DACH1: variants seen among roughly 807,000 people sequenced by gnomAD.
The protein encoded by DACH1 is dachshund family transcription factor 1, also known as dachshund homolog 1.
In DACH1, 12 loss-of-function variants were observed where a neutral mutation model predicts 54.2. That is an observed-to-expected ratio of 0.22 (90% CI 0.14 to 0.36). DACH1 has a LOEUF of 0.36. Ranked by LOEUF, DACH1 falls within the 10% of genes least tolerant of loss-of-function variation. DACH1 has a pLI of 1.00. For missense variants in DACH1, 805 were observed against 929.8 expected, an observed-to-expected ratio of 0.87 and a Z score of 1.75; for synonymous variants, 386 against 366.2, an observed-to-expected ratio of 1.05 and a Z score of -0.62.
intron 1 of DACH1, among the ~76,000 whole-genome samples, chr13:71,800,167 T>C (rs1250462151): frequency 6.6e-6 from 1 of 152,074 alleles, no homozygotes; most frequent in African/African-American, 2.4e-5. Context: ...CAAGACTATC[T>C]CTAAGGTTCC....
At chr13:71,839,424 G>A (rs966153522) in intron 1 of DACH1, among the ~76,000 whole-genome samples, 19 of 152,036 alleles carry the variant, frequency 1.2e-4, no homozygotes, top group Admixed American at 1.2e-3. Context: ...TGGCTAATAC[G>A]GTGAAACCCC....
intron 3 of DACH1, among the ~76,000 whole-genome samples, chr13:71,593,142 G>A (rs1472148803): frequency 6.6e-6 from 1 of 152,098 alleles, no homozygotes; most frequent in Non-Finnish European, 1.5e-5. Context: ...AAAAGGCACT[G>A]GGGATTTATT....
At chr13:71,795,876 C>T (rs1330926490) in intron 1 of DACH1, among the ~76,000 whole-genome samples, 1 of 152,036 alleles carries the variant, frequency 6.6e-6, no homozygotes, top group African/African-American at 2.4e-5. Context: ...AAGTGGTATG[C>T]AGTAGGTGCT....
At chr13:71,563,341 A>G (rs1253451859) in intron 4 of DACH1, among the ~76,000 whole-genome samples, 1 of 152,004 alleles carries the variant, frequency 6.6e-6, no homozygotes, top group Non-Finnish European at 1.5e-5. Context: ...CAGTCTCTCT[A>G]AAATGATTTT....
chr13:71,846,423 T>A (rs112795004), intron 1 of DACH1: 1 of 153,108 alleles, frequency 6.5e-6, no homozygotes, highest in Admixed American at 6.5e-5. Context: ...GGTGGATCAC[T>A]TGAGGTTGGG....
chr13:71,684,457 G>T (rs895670066), intron 1 of DACH1, among the ~76,000 whole-genome samples: 1 of 151,978 alleles, frequency 6.6e-6, no homozygotes, highest in African/African-American at 2.4e-5. Flanking sequence ...TTCCTGAGTG[G>T]CTCTGGTCTC....
At chr13:71,477,063 T>C (rs1877586142) in intron 8 of DACH1, among the ~76,000 whole-genome samples, 1 of 138,214 alleles carries the variant, frequency 7.2e-6, no homozygotes, top group Admixed American at 7.3e-5. Flanking sequence ...AATTTCCACA[T>C]AATCCTGTTT....
At chr13:71,592,284 G>A (rs1290316828) in intron 3 of DACH1, among the ~76,000 whole-genome samples, 2 of 151,864 alleles carry the variant, frequency 1.3e-5, no homozygotes, top group African/African-American at 4.8e-5. Context: ...GGCCAAGGTG[G>A]GAGAATCACC....
intron 6 of DACH1, among the ~76,000 whole-genome samples, chr13:71,540,937 A>G (rs1220023905): frequency 1.3e-5 from 2 of 151,938 alleles, no homozygotes; most frequent in Non-Finnish European, 2.9e-5. Flanking sequence ...TCCTTAACAC[A>G]TATACTTGTC....
chr13:71,489,186 G>A (rs560883442), intron 6 of DACH1, 38 bp from the exon 7 acceptor site: 16 of 1,590,914 alleles, frequency 1.0e-5, no homozygotes, highest in South Asian at 4.6e-5. Context: ...AACAAGTTAC[G>A]CTTGTCTGTT....
chr13:71,722,562 T>C (rs538449554), intron 1 of DACH1, among the ~76,000 whole-genome samples: 50 of 152,156 alleles, frequency 3.3e-4, no homozygotes, highest in Non-Finnish European at 6.3e-4. Context: ...TTGGCTTATA[T>C]CAATGTAAAA....
At chr13:71,475,112 T>C (rs960755493) in intron 10 of DACH1, 29 bp downstream of exon 10, 2 of 1,604,854 alleles carry the variant, frequency 1.2e-6, no homozygotes, top group Non-Finnish European at 1.7e-6. Flanking sequence ...TAGCAAGATC[T>C]AGATTTATAG....
intron 1 of DACH1, among the ~76,000 whole-genome samples, chr13:71,822,108 T>A (rs1284385099): frequency 1.3e-5 from 2 of 152,046 alleles, no homozygotes; most frequent in East Asian, 3.9e-4. Context: ...AAATTATATA[T>A]AAATACATCC....
intron 6 of DACH1, among the ~76,000 whole-genome samples, chr13:71,553,473 G>A (rs1700903599): frequency 7.3e-6 from 1 of 137,626 alleles, no homozygotes; most frequent in African/African-American, 2.7e-5. Flanking sequence ...TACATATATG[G>A]GATATATATA....
intron 6 of DACH1, among the ~76,000 whole-genome samples, chr13:71,549,125 A>C (rs1274774291): frequency 6.6e-6 from 1 of 152,026 alleles, no homozygotes; most frequent in Admixed American, 6.6e-5. Context: ...ACTAGAGATA[A>C]CCAATTCATT....
intron 6 of DACH1, among the ~76,000 whole-genome samples, chr13:71,525,023 A>G (rs1881858818): frequency 6.6e-6 from 1 of 152,180 alleles, no homozygotes. Context: ...GTAGGATATC[A>G]TTAAATTTCA....
chr13:71,790,784 A>C (rs1886799188), intron 1 of DACH1, among the ~76,000 whole-genome samples: 1 of 152,210 alleles, frequency 6.6e-6, no homozygotes, highest in African/African-American at 2.4e-5. Context: ...ATTACTTTGC[A>C]ATGATTATTT....
intron 2 of DACH1, among the ~76,000 whole-genome samples, chr13:71,669,007 T>C (rs908073907): frequency 6.6e-6 from 1 of 152,184 alleles, no homozygotes. Context: ...TTCCCAGAAC[T>C]GATATATTCA....
chr13:71,516,939 T>TAA (rs1180762196), intron 6 of DACH1, among the ~76,000 whole-genome samples: 1 of 150,624 alleles, frequency 6.6e-6, no homozygotes, highest in Non-Finnish European at 1.5e-5. Context: ...TTTATATATA[T>TAA]ATATATGATT....
Sources: gnomAD v4.1 joint callset for allele counts (sites outside exome capture counted in the v4.1 genomes callset) on GRCh38, gnomAD v4.1.1 for gene constraint, MANE v1.5 for transcripts, NCBI Gene and HGNC (gene_info 2026-07-23, HGNC 2026-07-21) for gene names.